Variants in LRPAP1 observed in about 807,000 individuals in gnomAD.
LRPAP1 encodes the protein LDL receptor related protein associated protein 1, also known as alpha-2-macroglobulin receptor-associated protein.
Under a neutral mutation model 39.9 loss-of-function variants are expected in LRPAP1, and 41 were observed. The ratio of observed to expected loss-of-function variants is 1.03; its 90% confidence interval spans 0.80 to 1.33. The LOEUF is 1.33. Among genes scored for constraint, LRPAP1 ranks in the 40% most tolerant of loss-of-function variants. LRPAP1 has a pLI of 0.00. For synonymous variants in LRPAP1, 263 were observed against 212.7 expected (o/e 1.24, Z -2.06); for missense variants, 565 against 482.3 (o/e 1.17, Z -1.61).
chr4:3,525,548 T>C (rs1024526094), intron 1 of LRPAP1, among the ~76,000 whole-genome samples: 3 of 152,184 alleles, frequency 2.0e-5, no homozygotes, highest in African/African-American at 7.2e-5. Context: ...TGATCCGAAC[T>C]GTCTTGCTGA....
Position 3,510,231 on chromosome 4 carries a change from C to T in LRPAP1, c.*2743G>A, listed in dbSNP as rs752473252. On this transcript the variant is annotated 3_prime_UTR_variant, in exon 8 of 8. Transcript: ENST00000650182. The stretch of plus-strand genomic sequence containing the variant: ...AGCATCACTTGAGCCCAGATCAAGA[C>T]CTGCCTGGGCAACATAGTAAAACCC... 2 of 152,052 alleles carry T rather than the reference C, an allele frequency of 1.3e-5. No individual in the cohort carries two copies. Among genetic ancestry groups the T allele is most frequent in the Non-Finnish European group, 2.9e-5 (2 of 68,032 alleles). The allele number at this position is 152,052 out of a possible 1,614,324, so 9.4% of individuals were successfully genotyped here.
intron 6 of LRPAP1, 75 bp downstream of exon 6, chr4:3,516,041 A>G (rs1560254152): frequency 4.2e-6 from 6 of 1,411,950 alleles, no homozygotes; most frequent in East Asian, 2.5e-5. Context: ...AGAGGGCTGC[A>G]TTTCCTTACC....
At chr4:3,513,059 A>C (rs1729581611) in intron 7 of LRPAP1, 23 bp from the exon 8 acceptor site, 3 of 1,595,486 alleles carry the variant, frequency 1.9e-6, no homozygotes, top group Non-Finnish European at 1.7e-6. Context: ...ACGTCTCATC[A>C]GCTGGGGACA....
rs1577204407 is a variant in LRPAP1 at position 3,515,792 on chromosome 4, C to T, written c.834+324G>A. The T allele has an allele frequency of 7.4e-6, 3 of 404,878 alleles. No individual in the cohort carries two copies. In the East Asian group the frequency reaches 1.6e-4, roughly 22 times the overall value. The allele number at this position is 404,878 out of a possible 1,614,324, so 25.1% of individuals were successfully genotyped here. A position where few individuals can be genotyped will look rare whatever the true frequency, so the allele number is the denominator to read the frequency against. On this transcript the variant is annotated intron_variant, in intron 6 of 7. Coordinates refer to ENST00000650182, the MANE Select transcript of LRPAP1 (RefSeq NM_002337.4). ...ACCCCTAAACGATCCCGGTAGTGTCCTTGGTCCCCTCCCCCCAGGCTGTGG... is the reference window on the plus strand; with the variant it reads ...ACCCCTAAACGATCCCGGTAGTGTCTTTGGTCCCCTCCCCCCAGGCTGTGG...
At chr4:3,522,680 TGCCTGGGGAGGACAGAC>T (rs1729952809) in intron 2 of LRPAP1, among the ~76,000 whole-genome samples, 3 of 106,520 alleles carry the variant, frequency 2.8e-5, no homozygotes, top group Admixed American at 9.4e-5. Flanking sequence ...CCACACCCCC[TGCCTGGGGAGGACAGAC>T]GCCGCCCCAC....
chr4:3,512,983 G>T lies in LRPAP1; in HGVS notation c.1065C>A (p.Asn355Lys), dbSNP rs141943482. Residue 355 changes from asparagine to lysine, a missense_variant, in exon 8 of 8, where the codon AAC becomes AAA. Physicochemically the swap from Asn to Lys is moderately conservative, Grantham distance 94 (BLOSUM62 0). Transcript: ENST00000650182. ...GGGCTCCCCAATGCCTTCAGAGTTCGTTGTGCCGAGCTCTGGAGATCCTGC... is the reference window on the plus strand; with the variant it reads ...GGGCTCCCCAATGCCTTCAGAGTTCTTTGTGCCGAGCTCTGGAGATCCTGC... ...LSGRISRARHNEL is the reference protein window; with the variant it reads ...LSGRISRARHKEL The T allele has an allele frequency of 6.2e-7, 1 of 1,611,338 alleles. No homozygotes were observed. The highest frequency in any genetic ancestry group is 2.2e-5 in the East Asian group (1 of 44,752).
intron 1 of LRPAP1, among the ~76,000 whole-genome samples, chr4:3,528,298 G>A (rs1730139578): frequency 6.6e-6 from 1 of 152,222 alleles, no homozygotes; most frequent in Admixed American, 6.5e-5. Flanking sequence ...CTGATCAAAC[G>A]ACGCCGGTCC....
rs555099242 is a variant in LRPAP1 at position 3,524,911 on chromosome 4, G to A, written c.345C>T (p.Leu115=). 9 of 1,614,188 alleles carry A rather than the reference G, an allele frequency of 5.6e-6. No homozygotes were observed. The highest frequency in any genetic ancestry group is 7.6e-6 in the Non-Finnish European group (9 of 1,180,002). The change falls in exon 2 of 8, where the codon CTC becomes CTT. Residue 115 remains leucine, a synonymous_variant. Transcript: ENST00000650182. ...TTAGGAAAGAAACAAACGTACCATT[G>A]AGGTTGCGTATGAGTCTCGCTTCCT... ...GEKEARLIRN[L]NVILAKYGLD...
intron 4 of LRPAP1, 149 bp downstream of exon 4, chr4:3,518,722 G>A (rs1729809195): frequency 1.7e-6 from 1 of 583,106 alleles, no homozygotes; most frequent in African/African-American, 1.9e-5. Context: ...GGAACCCTGG[G>A]AGGGCGTCTG....
chr4:3,516,572 C>T (rs1729712919), intron 5 of LRPAP1, among the ~76,000 whole-genome samples: 1 of 152,220 alleles, frequency 6.6e-6, no homozygotes, highest in Non-Finnish European at 1.5e-5. Flanking sequence ...CGGGTGGGGG[C>T]ACCTGCAAGT....
rs572526636 is a variant in LRPAP1, at chr4:3,515,536, C to A, written c.834+580G>T. On this transcript the variant is annotated intron_variant, in intron 6 of 7. Transcript: ENST00000650182. ...AGGACCACACCCACCTCCCTCCCAA[C>A]AGACACCAGCTATAGGGACCCTGGG... 6.6e-5 allele frequency among the ~76,000 whole-genome samples: 10 copies of A among 152,278 alleles called. No individual in the cohort carries two copies. In the South Asian group the frequency reaches 2.1e-3, roughly 32 times the overall value.
chr4:3,516,085 G>A (rs754433718), intron 6 of LRPAP1, 31 bp downstream of exon 6: 13 of 1,550,946 alleles, frequency 8.4e-6, no homozygotes, highest in Non-Finnish European at 1.1e-5. Flanking sequence ...CCACAGGAGA[G>A]AGCTAGAAGG....
chr4:3,518,474 G>A (rs1387214589), intron 4 of LRPAP1, among the ~76,000 whole-genome samples: 1 of 152,204 alleles, frequency 6.6e-6, no homozygotes, highest in Non-Finnish European at 1.5e-5. Context: ...CCCCTGCCCT[G>A]CCCCCTCTCT....
rs1025125060 is a variant in LRPAP1, at chr4:3,503,711, A to T, written c.*9263T>A. ...TAGTGTGGTACGTTGAGGGAAACTT[A>T]TAACCTCACGCGCTTGTTTCACAAA... On this transcript the variant is annotated 3_prime_UTR_variant, in exon 8 of 8. Coordinates refer to ENST00000650182, the MANE Select transcript of LRPAP1 (RefSeq NM_002337.4). 6 of 152,282 alleles carry T rather than the reference A, an allele frequency of 3.9e-5. No homozygotes were observed. Among genetic ancestry groups the T allele is most frequent in the Admixed American group, 6.5e-5 (1 of 15,292 alleles). 9.4% of individuals were successfully genotyped at this position (152,282 alleles called of 1,614,324 possible). A position where few individuals can be genotyped will look rare whatever the true frequency, so the allele number is the denominator to read the frequency against.
rs17848316 is a variant in LRPAP1, at chr4:3,532,394, T to A, written c.19A>T (p.Arg7Trp). The A allele has an allele frequency of 1.1e-5, 17 of 1,582,884 alleles. No individual in the cohort carries two copies. Among genetic ancestry groups the A allele is most frequent in the Non-Finnish European group, 1.4e-5 (16 of 1,165,394 alleles). The change falls in exon 1 of 8, where the codon AGG (arginine) becomes TGG (tryptophan). Residue 7 changes from arginine to tryptophan, a missense_variant. Transcript: ENST00000650182. MAPRRV[R>W]SFLRGLPALL... ...GCCGGGAGCCCGCGCAGAAACGACC[T>A]GACCCTCCGCGGCGCCATCTTCCTC... is the stretch of plus-strand genomic sequence containing the variant.
At position 3,504,584 on chromosome 4, in the gene LRPAP1, T is replaced by C. The variant is rs1228317552; in HGVS notation, c.*8390A>G. On this transcript the variant is annotated 3_prime_UTR_variant, in exon 8 of 8. Transcript: ENST00000650182. ...GGCCAACATGGTGAAACCCTGTCTCTACTAAAAATACAAACATTAGCCCAC... is the reference window on the plus strand; with the variant it reads ...GGCCAACATGGTGAAACCCTGTCTCCACTAAAAATACAAACATTAGCCCAC... The C allele has an allele frequency of 6.6e-6, 1 of 152,054 alleles. No homozygotes were observed. Among genetic ancestry groups the C allele is most frequent in the Non-Finnish European group, 1.5e-5 (1 of 68,012 alleles). The allele number at this position is 152,054 out of a possible 1,614,324, so 9.4% of individuals were successfully genotyped here. A position where few individuals can be genotyped will look rare whatever the true frequency, so the allele number is the denominator to read the frequency against.
At chr4:3,528,792 C>T (rs1730152751) in intron 1 of LRPAP1, among the ~76,000 whole-genome samples, 1 of 152,174 alleles carries the variant, frequency 6.6e-6, no homozygotes, top group Admixed American at 6.5e-5. Context: ...AGGGCACAGC[C>T]GTACCCGCCT....
At position 3,509,098 on chromosome 4, in the gene LRPAP1, A is replaced by T. The variant is rs1729438536; in HGVS notation, c.*3876T>A. ...GTCCTCAATAGCATATCGAACACCT[A>T]GGACTAGATCTAAAGGAAAACATGC... On this transcript the variant is annotated 3_prime_UTR_variant, in exon 8 of 8. Coordinates refer to ENST00000650182, the MANE Select transcript of LRPAP1 (RefSeq NM_002337.4). 1 of 152,306 alleles carries T rather than the reference A, an allele frequency of 6.6e-6. No homozygotes were observed. The highest frequency in any genetic ancestry group is 1.5e-5 in the Non-Finnish European group (1 of 68,050). 9.4% of individuals were successfully genotyped at this position (152,306 alleles called of 1,614,324 possible). A position where few individuals can be genotyped will look rare whatever the true frequency, so the allele number is the denominator to read the frequency against.
Position 3,524,871 on chromosome 4 carries a change from GATACTCGACCTGCATTAGGA to G in LRPAP1, c.349+16_349+35del. 2 of 1,606,576 alleles carry G rather than the reference GATACTCGACCTGCATTAGGA, an allele frequency of 1.2e-6. No individual in the cohort carries two copies. The highest frequency in any genetic ancestry group is 1.7e-6 in the Non-Finnish European group (2 of 1,173,384). ...CCGCTCTCAAGCATTTAGGAAGAGGGATACTCGACCTGCATTAGGAAAGAAACAAACGTACCATTGAGGTT... is the reference window on the plus strand; with the variant it reads ...CCGCTCTCAAGCATTTAGGAAGAGGGAAGAAACAAACGTACCATTGAGGTT... On this transcript the variant is annotated intron_variant, in intron 2 of 7. Coordinates refer to ENST00000650182, the MANE Select transcript of LRPAP1 (RefSeq NM_002337.4).
Sources: gnomAD v4.1 joint callset for allele counts (sites outside exome capture counted in the v4.1 genomes callset) on GRCh38, gnomAD v4.1.1 for gene constraint, MANE v1.5 for transcripts, NCBI Gene and HGNC (gene_info 2026-07-23, HGNC 2026-07-21) for gene names.